SLC20A2: variants seen among roughly 807,000 people sequenced by gnomAD.
SLC20A2 encodes the protein solute carrier family 20 member 2, also known as sodium-dependent phosphate transporter 2.
SLC20A2 carries 30 observed loss-of-function variants against 61.0 expected under a neutral mutation model. The ratio of observed to expected loss-of-function variants is 0.49; its 90% confidence interval spans 0.37 to 0.67. SLC20A2 has a LOEUF of 0.67. Ranked by LOEUF, SLC20A2 falls within the 30% of genes least tolerant of loss-of-function variation. The probability of loss-of-function intolerance (pLI) is 0.00; values close to 1 mark genes in which losing one functional copy is unlikely to be tolerated. For missense variants in SLC20A2, 626 were observed against 866.4 expected, an observed-to-expected ratio of 0.72 and a Z score of 3.48; for synonymous variants, 351 against 353.3, an observed-to-expected ratio of 0.99 and a Z score of 0.07.
At chr8:42,457,285 T>C (rs1806286445) in intron 5 of SLC20A2, among the ~76,000 whole-genome samples, 1 of 152,074 alleles carries the variant, frequency 6.6e-6, no homozygotes. Flanking sequence ...ACAAACACAC[T>C]TCCTGGTCCA....
chr8:42,536,763 T>C (rs773805322), intron 1 of SLC20A2, among the ~76,000 whole-genome samples: 1 of 152,030 alleles, frequency 6.6e-6, no homozygotes, highest in African/African-American at 2.4e-5. Context: ...CAATACAACC[T>C]GAAAAAGTGA....
At chr8:42,498,550 C>G (rs999113838) in intron 1 of SLC20A2, among the ~76,000 whole-genome samples, 1 of 152,086 alleles carries the variant, frequency 6.6e-6, no homozygotes, top group African/African-American at 2.4e-5. Flanking sequence ...CCTTGTGCAC[C>G]GCATGTGCTG....
chr8:42,478,029 G>T (rs533945586), intron 1 of SLC20A2, among the ~76,000 whole-genome samples: 51 of 151,628 alleles, frequency 3.4e-4, no homozygotes, highest in African/African-American at 1.2e-3. Flanking sequence ...GGGACTACAG[G>T]TGCACACCAC....
At position 42,460,233 on chromosome 8, in the gene SLC20A2, C is replaced by T. The variant is rs896964163; in HGVS notation, c.517-241G>A. ...AGCCCACTGTTGTGGCCAGCAGACACATTAAAGCCCTGGAATCACATGAGC... is the reference window on the plus strand; with the variant it reads ...AGCCCACTGTTGTGGCCAGCAGACATATTAAAGCCCTGGAATCACATGAGC... On this transcript the variant is annotated intron_variant, in intron 4 of 10. Coordinates refer to ENST00000520262, the MANE Select transcript of SLC20A2 (RefSeq NM_001257180.2). 1.6e-5 allele frequency: 6 copies of T among 376,166 alleles called. No homozygotes were observed. The Admixed American group carries it at 2.2e-4, about 14-fold the overall frequency. The allele number at this position is 376,166 out of a possible 1,614,324, so 23.3% of individuals were successfully genotyped here. A position where few individuals can be genotyped will look rare whatever the true frequency, so the allele number is the denominator to read the frequency against.
At chr8:42,523,061 G>A (rs1811688127) in intron 1 of SLC20A2, among the ~76,000 whole-genome samples, 1 of 152,082 alleles carries the variant, frequency 6.6e-6, no homozygotes, top group Non-Finnish European at 1.5e-5. Flanking sequence ...GGCCAGGTGT[G>A]GTGGCTCATG....
At chr8:42,501,428 T>C (rs188875108), upstream of SLC20A2, 14 of 152,372 alleles carry the variant, frequency 9.2e-5, no homozygotes, top group East Asian at 2.7e-3. Flanking sequence ...AGTAAGCTTT[T>C]TCCCAACAGG....
intron 2 of SLC20A2, among the ~76,000 whole-genome samples, chr8:42,468,957 T>A (rs1807405513): frequency 6.6e-6 from 1 of 152,212 alleles, no homozygotes; most frequent in African/African-American, 2.4e-5. Flanking sequence ...TCCCACAAGA[T>A]GACTTGTTCA....
intron 10 of SLC20A2, among the ~76,000 whole-genome samples, chr8:42,424,150 A>G (rs1459675494): frequency 6.6e-6 from 1 of 152,246 alleles, no homozygotes; most frequent in African/African-American, 2.4e-5. Context: ...GAGCACACAC[A>G]TGAGCAACTG....
At chr8:42,460,262 T>A (rs1190827504) in intron 4 of SLC20A2, 1 of 292,838 alleles carries the variant, frequency 3.4e-6, no homozygotes, top group Admixed American at 4.3e-5. Context: ...CATGAGCTGA[T>A]GTCAGACTTG....
chr8:42,504,852 C>CAAAAAAAAAAAAAAAAAAAAAAAAAAA (rs771127709), upstream of SLC20A2, among the ~76,000 whole-genome samples: 5 of 16,492 alleles, frequency 3.0e-4, 1 homozygote, highest in African/African-American at 8.5e-4. Context: ...GACTCCGTCT[C>CAAAAAAAAAAAAAAAAAAAAAAAAAAA]AAAAAAAAAA....
At position 42,437,504 on chromosome 8, in the gene SLC20A2, G is replaced by A. The variant is rs111553899; in HGVS notation, c.1008C>T (p.His336=). The A allele has an allele frequency of 8.9e-3, 14,371 of 1,614,120 alleles. 321 individuals are homozygous for A. Among genetic ancestry groups the A allele is most frequent in the South Asian group, 0.063 (5,746 of 91,074 alleles). The change falls in exon 8 of 11, where the codon CAC becomes CAT. Residue 336 remains histidine (H), a synonymous_variant. Transcript: ENST00000520262. The surrounding 1 kb of genome is among the most constrained non-coding windows in gnomAD (Gnocchi z 6.4). ...ISNGTFGFDG[H]TRSDGHVYHT... ...GGTACACATGACCGTCGCTCCTGGT[G>A]TGGCCGTCGAAGCCGAAGGTGCCGT...
rs1586015913 is a variant in SLC20A2, at chr8:42,434,962, G to A, written c.1523+2027C>T. On this transcript the variant is annotated intron_variant, in intron 8 of 10. Transcript: ENST00000520262. ...TCTGAGTGTGTGAATGTTAGAGAAT[G>A]TGTTGTTACTTTTCCACGGATATGT... Among the ~76,000 whole-genome samples, 4 of 152,248 alleles carry A rather than the reference G, an allele frequency of 2.6e-5. No homozygotes were observed. In the East Asian group the frequency reaches 7.7e-4, roughly 29 times the overall value.
intron 5 of SLC20A2, among the ~76,000 whole-genome samples, chr8:42,449,303 T>A (rs111243687): frequency 0.034 from 5,127 of 152,230 alleles, 297 homozygotes; most frequent in African/African-American, 0.12. Context: ...TTTTAGCCAC[T>A]AAAAGGCGCA....
chr8:42,433,376 T>G (rs1586011164), intron 8 of SLC20A2, among the ~76,000 whole-genome samples: 1 of 152,036 alleles, frequency 6.6e-6, no homozygotes, highest in South Asian at 2.1e-4. Flanking sequence ...CAGGCTGGAG[T>G]GCAGTGACAT....
chr8:42,452,670 G>T (rs560073535), intron 5 of SLC20A2, among the ~76,000 whole-genome samples: 2 of 150,936 alleles, frequency 1.3e-5, no homozygotes, highest in South Asian at 2.1e-4. Flanking sequence ...AGACAGAGAT[G>T]GAAGAGCAGA....
rs781549669 is a variant in SLC20A2, at chr8:42,524,554, G to A, written c.-265+17267C>T. On this transcript the variant is annotated intron_variant, in intron 1 of 10. Coordinates refer to the SLC20A2 transcript ENST00000342228. ...TGTAATCCCAGCATTTTAGGAGGCC[G>A]AGTCGGGCAGATCACAAGGTCAGGA... is the stretch of plus-strand genomic sequence containing the variant. 4.6e-5 allele frequency among the ~76,000 whole-genome samples: 7 copies of A among 152,078 alleles called. 1 individual carries two copies. Among genetic ancestry groups the A allele is most frequent in the East Asian group, 3.9e-4 (2 of 5,188 alleles).
chr8:42,508,588 A>C, intron 1 of SLC20A2, among the ~76,000 whole-genome samples: 1 of 151,994 alleles, frequency 6.6e-6, no homozygotes, highest in East Asian at 1.9e-4. Context: ...ATGGGGTTTC[A>C]CCATGTTAGC....
intron 1 of SLC20A2, among the ~76,000 whole-genome samples, chr8:42,530,440 T>C (rs537140486): frequency 9.8e-5 from 15 of 152,316 alleles, no homozygotes; most frequent in Admixed American, 3.3e-4. Context: ...TATTCTAACA[T>C]ACTCCAAAAC....
intron 1 of SLC20A2, among the ~76,000 whole-genome samples, chr8:42,488,180 C>CTTTTTTTTTTTTT (rs35200743): frequency 1.1e-5 from 1 of 87,032 alleles, no homozygotes; most frequent in Non-Finnish European, 2.1e-5. Context: ...AATAATACTG[C>CTTTTTTTTTTTTT]TTTTTTTTTT....
Sources: allele counts gnomAD v4.1 joint callset (sites outside exome capture counted in the v4.1 genomes callset), GRCh38; gene constraint gnomAD v4.1.1; non-coding constraint Gnocchi (gnomAD v3.1); transcripts MANE v1.5; gene names NCBI Gene and HGNC (gene_info 2026-07-23, HGNC 2026-07-21).